The following CACNA1E variants were observed in gnomAD, a reference collection of about 807,000 sequenced individuals.
The protein encoded by CACNA1E is calcium voltage-gated channel subunit alpha1 E.
Under a neutral mutation model 259.2 loss-of-function variants are expected in CACNA1E, and 40 were observed. That is an observed-to-expected ratio of 0.15 (90% CI 0.12 to 0.20). The LOEUF (loss-of-function observed/expected upper bound fraction) is 0.20. Ranked by LOEUF, CACNA1E falls within the 10% of genes least tolerant of loss-of-function variation. The probability of loss-of-function intolerance (pLI) is 1.00; values close to 1 mark genes in which losing one functional copy is unlikely to be tolerated. For synonymous variants in CACNA1E, 1,104 were observed against 1,138.5 expected (o/e 0.97, Z 0.61); for missense variants, 1,874 against 3,040.1 (o/e 0.62, Z 9.02).
intron 38 of CACNA1E, among the ~76,000 whole-genome samples, chr1:181,779,998 T>C (rs1323753118): frequency 6.6e-6 from 1 of 152,196 alleles, no homozygotes; most frequent in Non-Finnish European, 1.5e-5. Context: ...CATCGTCCCA[T>C]ATGTAATGTA....
intron 18 of CACNA1E, among the ~76,000 whole-genome samples, chr1:181,726,911 A>T (rs1399855319): frequency 6.6e-6 from 1 of 152,178 alleles, no homozygotes; most frequent in African/African-American, 2.4e-5. Context: ...GGATGAGCTC[A>T]TGGATTAAAT....
chr1:181,339,087 G>A (rs890895341), intron 1 of CACNA1E, among the ~76,000 whole-genome samples: 5 of 151,994 alleles, frequency 3.3e-5, no homozygotes, highest in African/African-American at 1.2e-4. Flanking sequence ...TTTGAAATCA[G>A]GAAGTATGAT....
chr1:181,700,438 T>A (rs1049311403), intron 7 of CACNA1E, among the ~76,000 whole-genome samples: 2 of 152,336 alleles, frequency 1.3e-5, no homozygotes, highest in East Asian at 1.9e-4. Flanking sequence ...TTATTCATGA[T>A]GTAAACAGTT....
chr1:181,492,638 A>G (rs1195593830), intron 1 of CACNA1E, among the ~76,000 whole-genome samples: 1 of 152,232 alleles, frequency 6.6e-6, no homozygotes, highest in African/African-American at 2.4e-5. Context: ...CTGGTATCAC[A>G]TCTAACTGGG....
chr1:181,547,088 G>A (rs1647558678), intron 3 of CACNA1E, among the ~76,000 whole-genome samples: 1 of 152,102 alleles, frequency 6.6e-6, no homozygotes, highest in South Asian at 2.1e-4. Flanking sequence ...TCTCACTAAA[G>A]CCCTTCTACA....
chr1:181,753,904 CCG>C (rs766849812), intron 27 of CACNA1E, among the ~76,000 whole-genome samples: 1 of 152,176 alleles, frequency 6.6e-6, no homozygotes, highest in Non-Finnish European at 1.5e-5. Flanking sequence ...CCCTGGCCCA[CCG>C]CGTGGGTTCC....
intron 38 of CACNA1E, among the ~76,000 whole-genome samples, chr1:181,778,176 G>A (rs1660122600): frequency 6.6e-6 from 1 of 152,142 alleles, no homozygotes; most frequent in Non-Finnish European, 1.5e-5. Flanking sequence ...TTCTTTATAA[G>A]GTGGGTGAGG....
chr1:181,678,060 G>C (rs1196275985), intron 7 of CACNA1E, among the ~76,000 whole-genome samples: 1 of 152,160 alleles, frequency 6.6e-6, no homozygotes, highest in Admixed American at 6.5e-5. Flanking sequence ...GGGAAGATTA[G>C]CTTGCAGGCC....
intron 2 of CACNA1E, among the ~76,000 whole-genome samples, chr1:181,474,156 A>G (rs553179948): frequency 2.0e-5 from 3 of 152,356 alleles, no homozygotes; most frequent in Admixed American, 6.5e-5. Flanking sequence ...GGAAAGTAGC[A>G]TAACTGGAAA....
In CACNA1E at chr1:181,502,374, TTCTG is replaced by T. The variant is rs559684067; in HGVS notation, c.267-8097_267-8094del. Among the ~76,000 whole-genome samples the T allele has an allele frequency of 8.3e-3, 1,265 of 152,330 alleles. 9 individuals carry two copies. The highest frequency in any genetic ancestry group is 0.014 in the Non-Finnish European group (962 of 68,026). On this transcript the variant is annotated intron_variant, in intron 1 of 47. Coordinates refer to ENST00000367573, the MANE Select transcript of CACNA1E (RefSeq NM_001205293.3). ...AGCTCCTCAGAATCTCCAGGAATAG[TTCTG>T]TCTGTTTATTCCCTTTTCTGGGCTG...
At chr1:181,669,680 G>C (rs768969498) in intron 7 of CACNA1E, among the ~76,000 whole-genome samples, 22 of 152,118 alleles carry the variant, frequency 1.4e-4, no homozygotes, top group Non-Finnish European at 3.2e-4. Context: ...CCAGTAAATG[G>C]CCTCAAGTGA....
chr1:181,343,046 A>C (rs571408229), intron 1 of CACNA1E, among the ~76,000 whole-genome samples: 4 of 152,154 alleles, frequency 2.6e-5, no homozygotes, highest in African/African-American at 9.6e-5. Flanking sequence ...TGGTGGTGAC[A>C]GCCACAGGAC....
chr1:181,641,325 G>A (rs143827714), intron 6 of CACNA1E, among the ~76,000 whole-genome samples: 100 of 152,298 alleles, frequency 6.6e-4, no homozygotes, highest in African/African-American at 2.2e-3. Context: ...AGAGTTCACG[G>A]GGACTGAGCA....
At chr1:181,509,433 T>C (rs1665986468) in intron 1 of CACNA1E, among the ~76,000 whole-genome samples, 1 of 152,136 alleles carries the variant, frequency 6.6e-6, no homozygotes, top group Non-Finnish European at 1.5e-5. Context: ...TCCCTCCACT[T>C]TGCCAGATCT....
intron 1 of CACNA1E, among the ~76,000 whole-genome samples, chr1:181,383,951 G>A (rs114660552): frequency 0.019 from 2,837 of 152,320 alleles, 30 homozygotes; most frequent in Non-Finnish European, 0.026. Flanking sequence ...AACTTTCCAC[G>A]GTGATGCAAC....
chr1:181,687,712 T>A (rs554626113), intron 7 of CACNA1E, among the ~76,000 whole-genome samples: 1 of 152,202 alleles, frequency 6.6e-6, no homozygotes, highest in African/African-American at 2.4e-5. Flanking sequence ...ATTGTATTCA[T>A]CTACAATAGT....
chr1:181,752,682 GC>G (rs1316113366), intron 27 of CACNA1E, among the ~76,000 whole-genome samples: 2 of 152,302 alleles, frequency 1.3e-5, no homozygotes, highest in African/African-American at 4.8e-5. Flanking sequence ...GGCTCTTCTA[GC>G]CCTACCCTTC....
chr1:181,671,864 A>G (rs1648836322), intron 7 of CACNA1E, among the ~76,000 whole-genome samples: 1 of 152,180 alleles, frequency 6.6e-6, no homozygotes, highest in African/African-American at 2.4e-5. Flanking sequence ...CTACCATTTG[A>G]CCCAGCATTC....
At chr1:181,685,529 A>G (rs1020214183) in intron 7 of CACNA1E, among the ~76,000 whole-genome samples, 9 of 151,998 alleles carry the variant, frequency 5.9e-5, no homozygotes, top group African/African-American at 1.9e-4. Context: ...TTACTTTTGG[A>G]AGGTTCTCAG....
Sources: allele counts gnomAD v4.1 joint callset (sites outside exome capture counted in the v4.1 genomes callset), GRCh38; gene constraint gnomAD v4.1.1; transcripts MANE v1.5; gene names NCBI Gene and HGNC (gene_info 2026-07-23, HGNC 2026-07-21).